Variants in DERA observed in about 807,000 individuals in gnomAD.
The protein encoded by DERA is deoxyribose-phosphate aldolase.
A neutral mutation model predicts 41.1 loss-of-function variants in DERA; 15 were observed. That is an observed-to-expected ratio of 0.37 (90% CI 0.24 to 0.56). The LOEUF (loss-of-function observed/expected upper bound fraction) is 0.56. DERA is among the 20% of genes least tolerant of loss of function. The probability of loss-of-function intolerance (pLI) is 0.81; values close to 1 mark genes in which losing one functional copy is unlikely to be tolerated. For missense variants in DERA, 396 were observed against 403.4 expected (o/e 0.98, Z 0.16); for synonymous variants, 139 against 137.4 (o/e 1.01, Z -0.08).
At chr12:15,927,614 T>C (rs1198516507) in intron 1 of DERA, among the ~76,000 whole-genome samples, 1 of 152,170 alleles carries the variant, frequency 6.6e-6, no homozygotes, top group Non-Finnish European at 1.5e-5. Context: ...AAACTTTTCA[T>C]AGTTTGTATG....
rs1948925870 is a variant in DERA, at chr12:16,008,259, TCCTAC to T, written c.638-24282_638-24278del. On this transcript the variant is annotated intron_variant, in intron 6 of 8. Transcript: ENST00000428559. This position sits in a 1 kb window ranked among gnomAD's most constrained non-coding sequence, Gnocchi z 4.8. The stretch of plus-strand genomic sequence containing the variant: ...CAGATGGTTGTTTCTCAAACAGGAA[TCCTAC>T]TACTCCGTGGCTTCTCACTTTTAGC... 6.6e-6 allele frequency among the ~76,000 whole-genome samples: 1 copy of T among 152,374 alleles called. No individual in the cohort carries two copies. Among genetic ancestry groups the T allele is most frequent in the South Asian group, 2.1e-4 (1 of 4,828 alleles).
chr12:15,938,054 A>G lies in DERA; in HGVS notation c.32-18882A>G, dbSNP rs959746340. Among the ~76,000 whole-genome samples the G allele has an allele frequency of 2.0e-5, 3 of 152,200 alleles. No homozygotes were observed. Among genetic ancestry groups the G allele is most frequent in the Non-Finnish European group, 4.4e-5 (3 of 68,048 alleles). ...TCAACTATCACAACATAACCACTGG[A>G]TTATGTGCCAGGGCCTGATAGACAA... is the stretch of plus-strand genomic sequence containing the variant. On this transcript the variant is annotated intron_variant, in intron 1 of 8. Transcript: ENST00000428559. This position sits in a 1 kb window ranked among gnomAD's most constrained non-coding sequence, Gnocchi z 4.1.
intron 5 of DERA, among the ~76,000 whole-genome samples, chr12:15,973,524 T>G (rs1467620770): frequency 6.7e-6 from 1 of 150,194 alleles, no homozygotes; most frequent in Non-Finnish European, 1.5e-5. Context: ...CATGTGAATA[T>G]GTAAGCAGAA....
chr12:15,929,991 A>G (rs932051031), intron 1 of DERA, among the ~76,000 whole-genome samples: 7 of 152,190 alleles, frequency 4.6e-5, no homozygotes, highest in Non-Finnish European at 1.0e-4. Context: ...TCTTCTACCT[A>G]TAATTTTTGA....
At position 16,008,316 on chromosome 12, in the gene DERA, C is replaced by T. The variant is rs554001121; in HGVS notation, c.638-24226C>T. Among the ~76,000 whole-genome samples, 1 of 152,356 alleles carries T rather than the reference C, an allele frequency of 6.6e-6. No homozygotes were observed. The highest frequency in any genetic ancestry group is 2.4e-5 in the African/African-American group (1 of 41,574). On this transcript the variant is annotated intron_variant, in intron 6 of 8. Coordinates refer to ENST00000428559, the MANE Select transcript of DERA (RefSeq NM_015954.4). This position sits in a 1 kb window ranked among gnomAD's most constrained non-coding sequence, Gnocchi z 4.8. ...TTTCCTAATATTTCCTAATAGCTTT[C>T]TCAAATCTCTCCTGCCTTGGTCCTT...
In DERA at chr12:16,026,765, A is replaced by G. The variant is rs748740357; in HGVS notation, c.638-5777A>G. Among the ~76,000 whole-genome samples the G allele has an allele frequency of 6.6e-6, 1 of 152,070 alleles. No individual in the cohort carries two copies. Among genetic ancestry groups the G allele is most frequent in the Non-Finnish European group, 1.5e-5 (1 of 67,994 alleles). On this transcript the variant is annotated intron_variant, in intron 6 of 8. Transcript: ENST00000428559. The surrounding 1 kb of genome is among the most constrained non-coding windows in gnomAD (Gnocchi z 4.4). ...GAAGATATAATACCAGTCTTCTACA[A>G]TCTCTTCCGGAAAATAGAAGAGAGA...
chr12:15,992,519 C>G lies in DERA; in HGVS notation c.637+10083C>G, dbSNP rs56090349. Reference sequence around the variant, plus strand: ...GTTTTGGGGTTGAAGAAAAATTGATCTTCCATGTACATTAGTGGAAATGTG... The same window carrying G: ...GTTTTGGGGTTGAAGAAAAATTGATGTTCCATGTACATTAGTGGAAATGTG... On this transcript the variant is annotated intron_variant, in intron 6 of 8. Coordinates refer to ENST00000428559, the MANE Select transcript of DERA (RefSeq NM_015954.4). This position sits in a 1 kb window ranked among gnomAD's most constrained non-coding sequence, Gnocchi z 4.3. Among the ~76,000 whole-genome samples, 3 of 152,054 alleles carry G rather than the reference C, an allele frequency of 2.0e-5. No individual in the cohort carries two copies. Among genetic ancestry groups the G allele is most frequent in the Non-Finnish European group, 4.4e-5 (3 of 67,994 alleles).
rs934815573 is a variant in DERA, at chr12:16,017,394, A to T, written c.638-15148A>T. 5.3e-5 allele frequency among the ~76,000 whole-genome samples: 8 copies of T among 152,130 alleles called. No individual in the cohort carries two copies. The highest frequency in any genetic ancestry group is 1.9e-4 in the African/African-American group (8 of 41,430). On this transcript the variant is annotated intron_variant, in intron 6 of 8. Coordinates refer to ENST00000428559, the MANE Select transcript of DERA (RefSeq NM_015954.4). The surrounding 1 kb of genome is among the most constrained non-coding windows in gnomAD (Gnocchi z 5.5). ...AAGCACTGGAAAGAGCAGGTGTTTG[A>T]ATTTTTCATTTTTCTTCTTATGCTT...
chr12:15,998,771 C>T lies in DERA; in HGVS notation c.637+16335C>T, dbSNP rs1011180021. Among the ~76,000 whole-genome samples the T allele has an allele frequency of 4.4e-4, 67 of 151,952 alleles. No homozygotes were observed. Among genetic ancestry groups the T allele is most frequent in the African/African-American group, 1.5e-3 (60 of 41,352 alleles). ...TTCATTGCAATGTGCTTATTTGGAC[C>T]GCTGAACTTACATCCCCAAAGAAAC... is the stretch of plus-strand genomic sequence containing the variant. On this transcript the variant is annotated intron_variant, in intron 6 of 8. Coordinates refer to ENST00000428559, the MANE Select transcript of DERA (RefSeq NM_015954.4). This position sits in a 1 kb window ranked among gnomAD's most constrained non-coding sequence, Gnocchi z 4.8.
At position 15,995,429 on chromosome 12, in the gene DERA, A is replaced by G. The variant is rs1243515125; in HGVS notation, c.637+12993A>G. 6.6e-6 allele frequency among the ~76,000 whole-genome samples: 1 copy of G among 152,030 alleles called. No individual in the cohort carries two copies. The highest frequency in any genetic ancestry group is 2.4e-5 in the African/African-American group (1 of 41,388). On this transcript the variant is annotated intron_variant, in intron 6 of 8. Transcript: ENST00000428559. This position sits in a 1 kb window ranked among gnomAD's most constrained non-coding sequence, Gnocchi z 5.1. ...CTCTTCTCAGGCTGCTTCCACTGTTATTTGTGTTTAGCTACTCTGTTGATG... is the reference window on the plus strand; with the variant it reads ...CTCTTCTCAGGCTGCTTCCACTGTTGTTTGTGTTTAGCTACTCTGTTGATG...
In DERA at chr12:16,000,414, A is replaced by G. The variant is rs1173739810; in HGVS notation, c.637+17978A>G. ...AACATTAGCAAGATAACACATGTAA[A>G]TCAAAATGCAGAACTAATACATTTG... On this transcript the variant is annotated intron_variant, in intron 6 of 8. Transcript: ENST00000428559. The surrounding 1 kb of genome is among the most constrained non-coding windows in gnomAD (Gnocchi z 4.8). Among the ~76,000 whole-genome samples the G allele has an allele frequency of 6.6e-6, 1 of 152,234 alleles. No individual in the cohort carries two copies. Among genetic ancestry groups the G allele is most frequent in the Non-Finnish European group, 1.5e-5 (1 of 68,042 alleles).
intron 1 of DERA, among the ~76,000 whole-genome samples, chr12:15,914,404 A>G (rs922992180): frequency 1.3e-5 from 2 of 151,448 alleles, no homozygotes; most frequent in African/African-American, 2.4e-5. Context: ...AAAAAAAAAA[A>G]AAAAAAAAGA....
intron 1 of DERA, among the ~76,000 whole-genome samples, chr12:15,930,736 TCA>T (rs1565586540): frequency 1.3e-5 from 2 of 152,152 alleles, no homozygotes; most frequent in Non-Finnish European, 2.9e-5. Context: ...CTCACAAACT[TCA>T]GGAAATGAAG....
chr12:16,036,777 C>G lies in DERA; in HGVS notation c.*31C>G, dbSNP rs756996851. On this transcript the variant is annotated 3_prime_UTR_variant, in exon 9 of 9. Coordinates refer to ENST00000428559, the MANE Select transcript of DERA (RefSeq NM_015954.4). The surrounding 1 kb of genome is among the most constrained non-coding windows in gnomAD (Gnocchi z 4.9). ...TCACCAGTTCCAGAAAAGTTCTTTA[C>G]GACAATGTTTAAAAATTATTTTTCT... 9.3e-6 allele frequency: 14 copies of G among 1,498,714 alleles called. No individual in the cohort carries two copies. Among genetic ancestry groups the G allele is most frequent in the Non-Finnish European group, 1.3e-5 (14 of 1,101,040 alleles). The allele number at this position is 1,498,714 out of a possible 1,614,324, so 92.8% of individuals were successfully genotyped here.
In DERA at chr12:15,922,396, A is replaced by C. The variant is rs1227626212; in HGVS notation, c.31+10982A>C. Among the ~76,000 whole-genome samples, 1 of 152,206 alleles carries C rather than the reference A, an allele frequency of 6.6e-6. No individual in the cohort carries two copies. The highest frequency in any genetic ancestry group is 2.4e-5 in the African/African-American group (1 of 41,442). On this transcript the variant is annotated intron_variant, in intron 1 of 8. Transcript: ENST00000428559. The surrounding 1 kb of genome is among the most constrained non-coding windows in gnomAD (Gnocchi z 4.9). Reference sequence around the variant, plus strand: ...TTTATTAGTGAAAACATTTCCATAGATCTGTCTCCAGCAAGAAAAAAATCA... The same window carrying C: ...TTTATTAGTGAAAACATTTCCATAGCTCTGTCTCCAGCAAGAAAAAAATCA...
At chr12:15,923,469 C>A (rs2136126056) in intron 1 of DERA, among the ~76,000 whole-genome samples, 1 of 152,248 alleles carries the variant, frequency 6.6e-6, no homozygotes, top group Non-Finnish European at 1.5e-5. Context: ...AGACCTTTTC[C>A]TTCCTTCTCT....
chr12:15,951,456 A>AG (rs1454410671), intron 1 of DERA: 1 of 152,216 alleles, frequency 6.6e-6, no homozygotes, highest in Non-Finnish European at 1.5e-5. Context: ...AAAATGCCCC[A>AG]GGTAGGTGTT....
rs573237673 is a variant in DERA at position 15,931,719 on chromosome 12, G to T, written c.31+20305G>T. On this transcript the variant is annotated intron_variant, in intron 1 of 8. Coordinates refer to ENST00000428559, the MANE Select transcript of DERA (RefSeq NM_015954.4). The surrounding 1 kb of genome is among the most constrained non-coding windows in gnomAD (Gnocchi z 4.6). Reference sequence around the variant, plus strand: ...GATGGGGCCTAGTGAGAGGTCTTTGGGTCATGTAGGTGGATTTATGTGAAC... The same window carrying T: ...GATGGGGCCTAGTGAGAGGTCTTTGTGTCATGTAGGTGGATTTATGTGAAC... Among the ~76,000 whole-genome samples, 2 of 152,226 alleles carry T rather than the reference G, an allele frequency of 1.3e-5. No homozygotes were observed. The highest frequency in any genetic ancestry group is 3.9e-4 in the East Asian group (2 of 5,178).
At chr12:15,950,534 C>T (rs189527387) in intron 1 of DERA, among the ~76,000 whole-genome samples, 5 of 152,316 alleles carry the variant, frequency 3.3e-5, no homozygotes, top group African/African-American at 1.2e-4. Flanking sequence ...AATGCCTTAA[C>T]CATCTGGGAA....
Sources: allele counts gnomAD v4.1 joint callset (sites outside exome capture counted in the v4.1 genomes callset), GRCh38; gene constraint gnomAD v4.1.1; non-coding constraint Gnocchi (gnomAD v3.1); transcripts MANE v1.5; gene names NCBI Gene and HGNC (gene_info 2026-07-23, HGNC 2026-07-21).